The following NLRP5 variants were observed in gnomAD, a reference collection of about 807,000 sequenced individuals.
The protein encoded by NLRP5 is NLR family pyrin domain containing 5.
NLRP5 carries 93 observed loss-of-function variants against 113.1 expected under a neutral mutation model. That is an observed-to-expected ratio of 0.82 (90% CI 0.70 to 0.98). The LOEUF (loss-of-function observed/expected upper bound fraction) is 0.98. Among genes scored for constraint, NLRP5 ranks in the 50% least tolerant of loss-of-function variants. The probability of loss-of-function intolerance (pLI) is 0.00; values close to 1 mark genes in which losing one functional copy is unlikely to be tolerated. For synonymous variants in NLRP5, 751 were observed against 600.7 expected, an observed-to-expected ratio of 1.25 and a Z score of -3.66; for missense variants, 1,808 against 1,514.3, an observed-to-expected ratio of 1.19 and a Z score of -3.22.
chr19:56,027,729 C>T lies in NLRP5; in HGVS notation c.1496C>T (p.Thr499Ile). 4 of 1,613,748 alleles carry T rather than the reference C, an allele frequency of 2.5e-6. No homozygotes were observed. The highest frequency in any genetic ancestry group is 3.4e-6 in the Non-Finnish European group (4 of 1,179,858). Residue 499 changes from threonine (T) to isoleucine (I), a missense_variant, in exon 7 of 15, where the codon ACA (threonine) becomes ATA (isoleucine). Thr to Ile is a moderately conservative substitution (Grantham distance 89). Transcript: ENST00000390649. ...GTCGCCCCCTTCAACCAAACGCTCA[C>T]AGGCCTGCACGCCGCTTTTGTGTTT... is the stretch of plus-strand genomic sequence containing the variant.
At chr19:56,051,226 T>C (rs866194386) in intron 12 of NLRP5, among the ~76,000 whole-genome samples, 24 of 152,318 alleles carry the variant, frequency 1.6e-4, no homozygotes, top group Middle Eastern at 6.8e-3. Context: ...TGAGTCTTGC[T>C]CTGTTGCCCA....
intron 3 of NLRP5, among the ~76,000 whole-genome samples, chr19:56,015,236 T>C (rs537189323): frequency 3.3e-5 from 5 of 152,204 alleles, no homozygotes. Flanking sequence ...GTTTCACTCT[T>C]GTTGCCCAGG....
intron 10 of NLRP5, among the ~76,000 whole-genome samples, chr19:56,039,523 A>C (rs960854030): frequency 6.6e-6 from 1 of 152,074 alleles, no homozygotes; most frequent in South Asian, 2.1e-4. Context: ...CATATTCTCA[A>C]GGGGAAGGGG....
At chr19:56,014,025 A>G (rs1411382417) in intron 3 of NLRP5, among the ~76,000 whole-genome samples, 4 of 152,084 alleles carry the variant, frequency 2.6e-5, no homozygotes, top group Non-Finnish European at 5.9e-5. Context: ...CTTAGGTTTT[A>G]TCATCTAGAT....
At chr19:56,059,885 A>G (rs1984289836) in intron 14 of NLRP5, among the ~76,000 whole-genome samples, 1 of 152,162 alleles carries the variant, frequency 6.6e-6, no homozygotes, top group Admixed American at 6.6e-5. Flanking sequence ...TTTCTCCAGT[A>G]TGGTCCAGCT....
chr19:56,002,589 A>G (rs1981698236), intron 1 of NLRP5, among the ~76,000 whole-genome samples: 2 of 150,674 alleles, frequency 1.3e-5, no homozygotes, highest in Non-Finnish European at 2.9e-5. Flanking sequence ...AGCATTAGGT[A>G]TATCTCCTAA....
At chr19:56,047,555 T>G (rs1035086098) in intron 11 of NLRP5, among the ~76,000 whole-genome samples, 3 of 152,224 alleles carry the variant, frequency 2.0e-5, no homozygotes, top group Non-Finnish European at 4.4e-5. Context: ...CTTTTGGAGT[T>G]GATTTCCAGT....
intron 2 of NLRP5, among the ~76,000 whole-genome samples, chr19:56,007,037 C>T (rs1056340035): frequency 6.6e-6 from 1 of 150,866 alleles, no homozygotes; most frequent in Non-Finnish European, 1.5e-5. Context: ...CTGTGCCTGG[C>T]CTAAAATAAA....
At chr19:56,047,388 G>A (rs1490446353) in intron 11 of NLRP5, among the ~76,000 whole-genome samples, 1 of 152,120 alleles carries the variant, frequency 6.6e-6, no homozygotes, top group Non-Finnish European at 1.5e-5. Context: ...CTATGAACCT[G>A]TTAGCACTGC....
chr19:56,024,389 TATATAC>T (rs1982735910), intron 6 of NLRP5, among the ~76,000 whole-genome samples: 1 of 123,784 alleles, frequency 8.1e-6, no homozygotes, highest in Admixed American at 8.2e-5. Context: ...ATATATAACA[TATATAC>T]ATATATGTAC....
At chr19:56,039,109 C>A (rs1310981138) in intron 10 of NLRP5, among the ~76,000 whole-genome samples, 3 of 151,184 alleles carry the variant, frequency 2.0e-5, no homozygotes, top group African/African-American at 7.3e-5. Flanking sequence ...TCGCTGAGTT[C>A]TCAAAACAGG....
chr19:56,026,940 A>G lies in NLRP5; in HGVS notation c.707A>G (p.Lys236Arg). Residue 236 changes from lysine (K) to arginine (R), a missense_variant, in exon 7 of 15, where the codon AAG (lysine) becomes AGG (arginine). Physicochemically the swap from Lys to Arg is conservative, Grantham distance 26 (BLOSUM62 2). Coordinates refer to ENST00000390649, the MANE Select transcript of NLRP5 (RefSeq NM_153447.4). The stretch of plus-strand genomic sequence containing the variant: ...CATGGAGGTGACACATGGGACTACA[A>G]GAGTCACGTGATGACCAAATTCGCT... 6.4e-7 allele frequency: 1 copy of G among 1,551,704 alleles called. No homozygotes were observed. The highest frequency in any genetic ancestry group is 1.4e-5 in the African/African-American group (1 of 73,170).
At chr19:56,017,235 A>G (rs1477972605) in intron 4 of NLRP5, among the ~76,000 whole-genome samples, 1 of 152,092 alleles carries the variant, frequency 6.6e-6, no homozygotes, top group Non-Finnish European at 1.5e-5. Flanking sequence ...TTCTTTTCAA[A>G]GAACAAACTG....
intron 12 of NLRP5, among the ~76,000 whole-genome samples, chr19:56,052,762 T>C (rs947288549): frequency 5.3e-5 from 8 of 152,224 alleles, no homozygotes; most frequent in African/African-American, 7.2e-5. Context: ...TTCCTAAGAA[T>C]AGAAGCACAA....
At chr19:56,010,121 T>G (rs998771865) in intron 3 of NLRP5, among the ~76,000 whole-genome samples, 9 of 152,112 alleles carry the variant, frequency 5.9e-5, no homozygotes, top group Non-Finnish European at 1.2e-4. Context: ...CGTTAGGAGA[T>G]CCCTCTGAGC....
chr19:56,058,699 A>G (rs757077347), intron 14 of NLRP5, among the ~76,000 whole-genome samples: 1 of 152,208 alleles, frequency 6.6e-6, no homozygotes, highest in Admixed American at 6.5e-5. Context: ...TAGAATTGCT[A>G]TATGATCCAG....
chr19:56,032,929 GCA>G lies in NLRP5; in HGVS notation c.2447+151_2447+152del, dbSNP rs1983179091. 4 of 768,666 alleles carry G rather than the reference GCA, an allele frequency of 5.2e-6. No homozygotes were observed. The Admixed American group carries it at 7.8e-5, about 15-fold the overall frequency. 47.6% of individuals were successfully genotyped at this position (768,666 alleles called of 1,614,324 possible). ...AGGTGTAGGAACCAAGTTCCCAAAA[GCA>G]CAGAGTGGGGAGTCGCTAAAGACCT... is the stretch of plus-strand genomic sequence containing the variant. On this transcript the variant is annotated intron_variant, in intron 8 of 14. Transcript: ENST00000390649.
intron 4 of NLRP5, among the ~76,000 whole-genome samples, chr19:56,016,568 T>G (rs1264885352): frequency 6.6e-6 from 1 of 152,210 alleles, no homozygotes; most frequent in Non-Finnish European, 1.5e-5. Context: ...TAGCTGTAAG[T>G]TTGTACCTGT....
At chr19:56,050,722 G>A (rs576744493) in intron 12 of NLRP5, 134 bp downstream of exon 12, 33 of 797,632 alleles carry the variant, frequency 4.1e-5, no homozygotes, top group Admixed American at 2.4e-4. Context: ...TTTTCCAAGG[G>A]CAATCTAGGT....
Sources: allele counts gnomAD v4.1 joint callset (sites outside exome capture counted in the v4.1 genomes callset), GRCh38; gene constraint gnomAD v4.1.1; transcripts MANE v1.5; gene names NCBI Gene and HGNC (gene_info 2026-07-23, HGNC 2026-07-21).